PRRT1: variants seen among roughly 807,000 people sequenced by gnomAD.
The protein encoded by PRRT1 is proline-rich transmembrane protein 1.
PRRT1 carries 8 observed loss-of-function variants against 22.6 expected under a neutral mutation model. The ratio of observed to expected loss-of-function variants is 0.35; its 90% CI spans 0.21 to 0.64. PRRT1 has a LOEUF of 0.64. Ranked by LOEUF, PRRT1 falls within the 30% of genes least tolerant of loss-of-function variation. PRRT1 has a pLI of 0.69. For missense variants in PRRT1, 315 were observed against 444.5 expected (o/e 0.71, Z 2.62); for synonymous variants, 176 against 203.6 (o/e 0.86, Z 1.15).
chr6:32,149,203 G>GGC lies in PRRT1; in HGVS notation c.*17_*18dup. ...TGGGAGATCGAGGGGCGCAGAGTGG[G>GGC]GCCGGACCAGGGGCGTTTTTAGGGA... On this transcript the variant is annotated 3_prime_UTR_variant, in exon 4 of 4. Coordinates refer to ENST00000211413, the MANE Select transcript of PRRT1 (RefSeq NM_030651.4). The surrounding 1 kb of genome is among the most constrained non-coding windows in gnomAD (Gnocchi z 8.7). The GGC allele has an allele frequency of 6.2e-7, 1 of 1,610,312 alleles. No individual in the cohort carries two copies. The highest frequency in any genetic ancestry group is 1.1e-5 in the South Asian group (1 of 90,088).
chr6:32,152,189 G>T, upstream of PRRT1: 1 of 628,526 alleles, frequency 1.6e-6, no homozygotes. Flanking sequence ...AGGAAAGGAA[G>T]GAAGGAGAAC....
At position 32,149,440 on chromosome 6, in the gene PRRT1, C is replaced by T. The variant is rs1561798782; in HGVS notation, c.745-42G>A. 6.3e-7 allele frequency: 1 copy of T among 1,593,816 alleles called. No individual in the cohort carries two copies. Among genetic ancestry groups the T allele is most frequent in the Non-Finnish European group, 8.6e-7 (1 of 1,167,764 alleles). The stretch of plus-strand genomic sequence containing the variant: ...GGGGAAGGAGGTCAAAGAGCTGCGG[C>T]CTCGTTCGAACGCCTCAGCCTTTCT... On this transcript the variant is annotated intron_variant, in intron 3 of 3. Transcript: ENST00000211413. This position sits in a 1 kb window ranked among gnomAD's most constrained non-coding sequence, Gnocchi z 8.7.
At chr6:32,151,958 G>GGGGGC, upstream of PRRT1, 1 of 298,692 alleles carries the variant, frequency 3.3e-6, no homozygotes, top group Non-Finnish European at 6.6e-6. Flanking sequence ...CGGCGGGGGG[G>GGGGGC]GGGGGCGGGG....
At position 32,149,730 on chromosome 6, in the gene PRRT1, A is replaced by T. The variant is rs1453827255; in HGVS notation, c.559-8T>A. On this transcript the variant is annotated splice_region_variant and splice_polypyrimidine_tract_variant and intron_variant, in intron 2 of 3. Coordinates refer to ENST00000211413, the MANE Select transcript of PRRT1 (RefSeq NM_030651.4). This position sits in a 1 kb window ranked among gnomAD's most constrained non-coding sequence, Gnocchi z 8.7. ...GGTCCCGCCTGCATATGGCTGTGGA[A>T]GGAAATTTGGGGGGCAGGGGCATCA... The T allele has an allele frequency of 1.1e-5, 17 of 1,549,306 alleles. No homozygotes were observed. Among genetic ancestry groups the T allele is most frequent in the Non-Finnish European group, 1.5e-5 (17 of 1,148,694 alleles).
rs1561800594 is a variant in PRRT1 at position 32,150,554 on chromosome 6, C to T, written c.372G>A (p.Pro124=). ...QETRFEGPLP[P]PPPAAAAPPP... ...GCGGGGCGGCGGCAGCGGGCGGCGG[C>T]GGGGGAAGTGGGCCCTCGAAGCGAG... Residue 124 remains proline (P), a synonymous_variant, in exon 2 of 4, where the codon CCG becomes CCA. Coordinates refer to ENST00000211413, the MANE Select transcript of PRRT1 (RefSeq NM_030651.4). This position sits in a 1 kb window ranked among gnomAD's most constrained non-coding sequence, Gnocchi z 7.2. 6 of 1,359,346 alleles carry T rather than the reference C, an allele frequency of 4.4e-6. No homozygotes were observed. The highest frequency in any genetic ancestry group is 4.1e-5 in the Admixed American group (1 of 24,432). The allele number at this position is 1,359,346 out of a possible 1,614,324, so 84.2% of individuals were successfully genotyped here.
chr6:32,151,772 C>T, intron 1 of PRRT1, 37 bp downstream of exon 1: 1 of 1,506,800 alleles, frequency 6.6e-7, no homozygotes, highest in Non-Finnish European at 9.1e-7. Context: ...AGTCTGGAGA[C>T]AGTGGAGGGG....
rs1444749119 is a variant in PRRT1, at chr6:32,150,722, C to T, written c.204G>A (p.Ala68=). The T allele has an allele frequency of 6.7e-6, 10 of 1,484,160 alleles. No homozygotes were observed. The highest frequency in any genetic ancestry group is 1.4e-5 in the African/African-American group (1 of 71,798). The allele number at this position is 1,484,160 out of a possible 1,614,324, so 91.9% of individuals were successfully genotyped here. Residue 68 remains alanine (A), a synonymous_variant, in exon 2 of 4, where the codon GCG becomes GCA. Transcript: ENST00000211413. The surrounding 1 kb of genome is among the most constrained non-coding windows in gnomAD (Gnocchi z 7.2). ...RLGAGGLASS[A]ATAQRGPSSS... ...AGGAGGGACCGCGCTGAGCGGTGGC[C>T]GCGGAAGAGGCCAGGCCCCCTGCCC...
Position 32,148,759 on chromosome 6 carries a change from T to C in PRRT1, c.*463A>G. 2.1e-6 allele frequency: 1 copy of C among 469,700 alleles called. No homozygotes were observed. Among genetic ancestry groups the C allele is most frequent in the South Asian group, 1.5e-5 (1 of 64,676 alleles). The allele number at this position is 469,700 out of a possible 1,614,324, so 29.1% of individuals were successfully genotyped here. A position where few individuals can be genotyped will look rare whatever the true frequency, so the allele number is the denominator to read the frequency against. ...TTGCCGGAAGAAAGGGAGGGGTCTG[T>C]CCGTCTGTGGGCGAGGCCTGGAGCC... is the stretch of plus-strand genomic sequence containing the variant. On this transcript the variant is annotated 3_prime_UTR_variant, in exon 4 of 4. Transcript: ENST00000211413. This position sits in a 1 kb window ranked among gnomAD's most constrained non-coding sequence, Gnocchi z 5.7.
upstream of PRRT1, chr6:32,151,977 C>CGGGGGGGGGG: frequency 1.1e-5 from 1 of 88,768 alleles, no homozygotes; most frequent in Non-Finnish European, 2.1e-5. Context: ...GGGGGGCGGG[C>CGGGGGGGGGG]GGAGGGAGAG....
chr6:32,149,518 G>C lies in PRRT1; in HGVS notation c.744+19C>G. 1 of 1,612,706 alleles carries C rather than the reference G, an allele frequency of 6.2e-7. No homozygotes were observed. The highest frequency in any genetic ancestry group is 1.7e-5 in the Admixed American group (1 of 59,984). ...CTCCCTGTCCCCGCCCCCAAACCGA[G>C]TATGCCCCTGCCCCCTACCTGCACG... On this transcript the variant is annotated intron_variant, in intron 3 of 3. Coordinates refer to ENST00000211413, the MANE Select transcript of PRRT1 (RefSeq NM_030651.4). This position sits in a 1 kb window ranked among gnomAD's most constrained non-coding sequence, Gnocchi z 8.7.
chr6:32,152,525 G>A (rs904330218), upstream of PRRT1, among the ~76,000 whole-genome samples: 3 of 152,120 alleles, frequency 2.0e-5, no homozygotes, highest in African/African-American at 7.2e-5. Flanking sequence ...GCCTTGGAGG[G>A]AAAAGGGAGA....
At position 32,150,747 on chromosome 6, in the gene PRRT1, C is replaced by A. The variant is rs1421106458; in HGVS notation, c.179G>T (p.Gly60Val). ...QSGTATLPRL[G>V]AGGLASSAAT... ...CGCGGAAGAGGCCAGGCCCCCTGCC[C>A]CTAAGCGCGGGAGGGTGGCGGTGCC... The change falls in exon 2 of 4, where the codon GGG becomes GTG. Residue 60 changes from glycine to valine, a missense_variant. Transcript: ENST00000211413. This position sits in a 1 kb window ranked among gnomAD's most constrained non-coding sequence, Gnocchi z 7.2. The A allele has an allele frequency of 5.9e-6, 9 of 1,526,766 alleles. No individual in the cohort carries two copies. The highest frequency in any genetic ancestry group is 1.4e-5 in the African/African-American group (1 of 73,462). The allele number at this position is 1,526,766 out of a possible 1,614,324, so 94.6% of individuals were successfully genotyped here.
Position 32,149,679 on chromosome 6 carries a change from G to C in PRRT1, c.602C>G (p.Thr201Ser), listed in dbSNP as rs143664192. 1.3e-4 allele frequency: 214 copies of C among 1,610,640 alleles called. 2 individuals carry two copies. In the African/African-American group the frequency reaches 2.3e-3, roughly 17 times the overall value. ...GTPGGTGVTS[T>S]LPPPPQGPGL... is the part of the protein sequence containing the mutation. ...TGGGCCCTGGGGCGGCGGGGGGAGA[G>C]TGGAGGTCACTCCTGTTCCCCCCGG... The change falls in exon 3 of 4, where the codon ACT becomes AGT. Residue 201 changes from threonine to serine, a missense_variant. Physicochemically the swap from Thr to Ser is moderately conservative, Grantham distance 58 (BLOSUM62 1). This residue lies in a region of PRRT1 where 263 missense variants were observed against 328.5 expected (regional missense o/e 0.80). Coordinates refer to ENST00000211413, the MANE Select transcript of PRRT1 (RefSeq NM_030651.4). This position sits in a 1 kb window ranked among gnomAD's most constrained non-coding sequence, Gnocchi z 8.7.
Position 32,148,736 on chromosome 6 carries a change from G to A in PRRT1, c.*486C>T. 6.5e-6 allele frequency: 3 copies of A among 459,380 alleles called. No individual in the cohort carries two copies. Among genetic ancestry groups the A allele is most frequent in the Non-Finnish European group, 1.3e-5 (3 of 228,594 alleles). 28.5% of individuals were successfully genotyped at this position (459,380 alleles called of 1,614,324 possible). Reference sequence around the variant, plus strand: ...TACTACCCCAGGGCTCGGTCCTTTTGCCGGAAGAAAGGGAGGGGTCTGTCC... The same window carrying A: ...TACTACCCCAGGGCTCGGTCCTTTTACCGGAAGAAAGGGAGGGGTCTGTCC... On this transcript the variant is annotated 3_prime_UTR_variant, in exon 4 of 4. Transcript: ENST00000211413. This position sits in a 1 kb window ranked among gnomAD's most constrained non-coding sequence, Gnocchi z 5.7.
At chr6:32,151,757 C>T in intron 1 of PRRT1, 52 bp downstream of exon 1, 2 of 1,264,608 alleles carry the variant, frequency 1.6e-6, no homozygotes, top group Non-Finnish European at 1.1e-6. Flanking sequence ...GCAAGGGGGA[C>T]GGAGAGTCTG....
At chr6:32,151,568 C>G (rs777928921) in intron 1 of PRRT1, 2 of 584,762 alleles carry the variant, frequency 3.4e-6, no homozygotes, top group East Asian at 5.7e-5. Flanking sequence ...CCTCCTTCAC[C>G]CTCTCAACCT....
Position 32,150,233 on chromosome 6 carries a change from T to C in PRRT1, c.558+135A>G. The C allele has an allele frequency of 1.7e-6, 2 of 1,147,934 alleles. No individual in the cohort carries two copies. Among genetic ancestry groups the C allele is most frequent in the Non-Finnish European group, 2.3e-6 (2 of 862,106 alleles). 71.1% of individuals were successfully genotyped at this position (1,147,934 alleles called of 1,614,324 possible). ...CCTTCCTGTCTCAGGCTCCCTTCTT[T>C]CTAGGGCTTGTCCCGGGAACACTAC... On this transcript the variant is annotated intron_variant, in intron 2 of 3. Coordinates refer to ENST00000211413, the MANE Select transcript of PRRT1 (RefSeq NM_030651.4). This position sits in a 1 kb window ranked among gnomAD's most constrained non-coding sequence, Gnocchi z 7.2.
rs1411428908 is a variant in PRRT1 at position 32,150,648 on chromosome 6, G to A, written c.278C>T (p.Ala93Val). ...RPPHHAPPGP[A>V]AGAPPPGCAT... The stretch of plus-strand genomic sequence containing the variant: ...GCAGCCGGGTGGGGGTGCCCCGGCA[G>A]CAGGGCCGGGAGGGGCGTGGTGGGG... The change falls in exon 2 of 4, where the codon GCT (alanine) becomes GTT (valine). Residue 93 changes from alanine to valine, a missense_variant. Ala to Val is a moderately conservative substitution (Grantham distance 64). This residue lies in a region of PRRT1 where 263 missense variants were observed against 328.5 expected (regional missense o/e 0.80). Coordinates refer to ENST00000211413, the MANE Select transcript of PRRT1 (RefSeq NM_030651.4). This position sits in a 1 kb window ranked among gnomAD's most constrained non-coding sequence, Gnocchi z 7.2. 13 of 1,417,016 alleles carry A rather than the reference G, an allele frequency of 9.2e-6. No homozygotes were observed. The highest frequency in any genetic ancestry group is 1.2e-5 in the Non-Finnish European group (13 of 1,091,070). The allele number at this position is 1,417,016 out of a possible 1,614,324, so 87.8% of individuals were successfully genotyped here. A position where few individuals can be genotyped will look rare whatever the true frequency, so the allele number is the denominator to read the frequency against.
Position 32,149,526 on chromosome 6 carries a change from C to T in PRRT1, c.744+11G>A. 6.2e-7 allele frequency: 1 copy of T among 1,613,014 alleles called. No homozygotes were observed. Among genetic ancestry groups the T allele is most frequent in the Non-Finnish European group, 8.5e-7 (1 of 1,179,978 alleles). ...CCCCGCCCCCAAACCGAGTATGCCCCTGCCCCCTACCTGCACGGCCTTGAA... is the reference window on the plus strand; with the variant it reads ...CCCCGCCCCCAAACCGAGTATGCCCTTGCCCCCTACCTGCACGGCCTTGAA... On this transcript the variant is annotated intron_variant, in intron 3 of 3. Coordinates refer to ENST00000211413, the MANE Select transcript of PRRT1 (RefSeq NM_030651.4). This position sits in a 1 kb window ranked among gnomAD's most constrained non-coding sequence, Gnocchi z 8.7.
Sources: allele counts gnomAD v4.1 joint callset (sites outside exome capture counted in the v4.1 genomes callset), GRCh38; gene constraint gnomAD v4.1.1; regional missense constraint gnomAD v4.1.1; non-coding constraint Gnocchi (gnomAD v3.1); transcripts MANE v1.5; gene names NCBI Gene and HGNC (gene_info 2026-07-23, HGNC 2026-07-21).